IFI16: variants seen among roughly 807,000 people sequenced by gnomAD.
IFI16 encodes the protein interferon gamma inducible protein 16.
Under a neutral mutation model 68.4 loss-of-function variants are expected in IFI16, and 49 were observed. The observed-to-expected ratio is 0.72, with a 90% confidence interval of 0.57 to 0.91. The LOEUF is 0.91. IFI16 is among the 40% of genes least tolerant of loss of function. The pLI is 0.00. For synonymous variants in IFI16, 307 were observed against 315.0 expected (o/e 0.97, Z 0.27); for missense variants, 878 against 942.9 (o/e 0.93, Z 0.90).
rs1053319360 is a variant in IFI16, at chr1:159,010,767, A to G, written c.-21+606A>G. Among the ~76,000 whole-genome samples the G allele has an allele frequency of 2.6e-5, 4 of 152,110 alleles. No homozygotes were observed. In the South Asian group the frequency reaches 6.2e-4, roughly 24 times the overall value. The stretch of plus-strand genomic sequence containing the variant: ...ACCGGGTGCTAGCGGCAGAATTTCA[A>G]TCATTTTGGAATTACTCTCTGCCCT... On this transcript the variant is annotated intron_variant, in intron 1 of 11. Transcript: ENST00000295809.
chr1:159,036,718 C>T (rs987544245), intron 7 of IFI16, among the ~76,000 whole-genome samples: 1 of 152,136 alleles, frequency 6.6e-6, no homozygotes, highest in Non-Finnish European at 1.5e-5. Flanking sequence ...TACATTGCCA[C>T]GTTAAGACCC....
chr1:159,019,520 G>A (rs1174846896), intron 5 of IFI16, among the ~76,000 whole-genome samples: 2 of 150,884 alleles, frequency 1.3e-5, no homozygotes, highest in Non-Finnish European at 2.9e-5. Context: ...GCGCAGTGGC[G>A]CGATCTCGGC....
chr1:159,048,758 G>A (rs536873229), intron 8 of IFI16, among the ~76,000 whole-genome samples: 2 of 151,492 alleles, frequency 1.3e-5, no homozygotes, highest in African/African-American at 4.8e-5. Context: ...TTAATTAAAG[G>A]TAGTCAAGGT....
At chr1:159,002,186 C>A (rs1406536626), upstream of IFI16, among the ~76,000 whole-genome samples, 1 of 152,066 alleles carries the variant, frequency 6.6e-6, no homozygotes. Context: ...TTACCTGGAA[C>A]CAAACAGCTA....
At chr1:159,032,927 A>G (rs1400004162) in intron 7 of IFI16, among the ~76,000 whole-genome samples, 1 of 152,080 alleles carries the variant, frequency 6.6e-6, no homozygotes, top group Non-Finnish European at 1.5e-5. Context: ...GAGGATTACT[A>G]TCTTGTATTG....
intron 6 of IFI16, among the ~76,000 whole-genome samples, chr1:159,021,185 G>A (rs1281389780): frequency 6.6e-6 from 1 of 152,120 alleles, no homozygotes; most frequent in Admixed American, 6.5e-5. Flanking sequence ...ACTTTTTGAT[G>A]CACCCATCGT....
chr1:159,014,804 G>A lies in IFI16; in HGVS notation c.124G>A (p.Glu42Lys). 1 of 1,614,046 alleles carries A rather than the reference G, an allele frequency of 6.2e-7. No homozygotes were observed. The highest frequency in any genetic ancestry group is 1.7e-5 in the Admixed American group (1 of 60,016). ...AAAACTTAATTTAAAAATGAGAGAA[G>A]AGTATGACAAAATTCAGATTGCTGA... Reference protein sequence around the residue: ...DLKLNLKMREEYDKIQIADLM... With the variant: ...DLKLNLKMREKYDKIQIADLM... The change falls in exon 2 of 12, where the codon GAG becomes AAG. Residue 42 changes from glutamate to lysine, a missense_variant. Around this residue, in one of 4 missense-constraint regions of IFI16, gnomAD observed 65 missense variants for 96.9 expected, o/e 0.67. Transcript: ENST00000295809.
intron 7 of IFI16, among the ~76,000 whole-genome samples, chr1:159,041,535 T>G (rs909642287): frequency 6.6e-6 from 1 of 152,200 alleles, no homozygotes; most frequent in African/African-American, 2.4e-5. Context: ...ACAGGTTTAC[T>G]TATAAATACT....
intron 6 of IFI16, among the ~76,000 whole-genome samples, chr1:159,025,380 A>T (rs533644533): frequency 6.6e-4 from 101 of 152,348 alleles, no homozygotes; most frequent in Admixed American, 2.7e-3. Context: ...ATAATTTTAT[A>T]CTAAATAAGT....
At chr1:159,046,995 T>TTTTGCCG (rs1376372737) in intron 8 of IFI16, among the ~76,000 whole-genome samples, 1 of 151,178 alleles carries the variant, frequency 6.6e-6, no homozygotes, top group Non-Finnish European at 1.5e-5. Context: ...CCAGCTTGCC[T>TTTTGCCG]TTTGTTCTGC....
upstream of IFI16, among the ~76,000 whole-genome samples, chr1:159,001,367 G>A (rs1251490172): frequency 6.6e-6 from 1 of 152,138 alleles, no homozygotes; most frequent in Non-Finnish European, 1.5e-5. Flanking sequence ...TTTAGGGGAG[G>A]CTCCCATTGA....
upstream of IFI16, among the ~76,000 whole-genome samples, chr1:159,008,314 T>C (rs1015029237): frequency 6.6e-6 from 1 of 152,244 alleles, no homozygotes; most frequent in Non-Finnish European, 1.5e-5. Context: ...TTGTATATTC[T>C]ACTAATGACT....
intron 1 of IFI16, among the ~76,000 whole-genome samples, chr1:159,012,834 G>A (rs1440156680): frequency 6.6e-6 from 1 of 152,118 alleles, no homozygotes; most frequent in Non-Finnish European, 1.5e-5. Flanking sequence ...GTTTGAAGAC[G>A]AACTTATTGT....
At chr1:159,018,706 G>T (rs941931295) in intron 5 of IFI16, 55 bp downstream of exon 5, 1 of 1,236,736 alleles carries the variant, frequency 8.1e-7, no homozygotes, top group Non-Finnish European at 1.1e-6. Context: ...GAAATTAAAA[G>T]TCTTGATGTG....
At position 159,053,720 on chromosome 1, in the gene IFI16, T is replaced by C. The variant is rs758638521; in HGVS notation, c.2273T>C (p.Ile758Thr). Residue 758 changes from isoleucine to threonine, a missense_variant, in exon 11 of 12, where the codon ATC becomes ACC. Physicochemically the swap from Ile to Thr is moderately conservative, Grantham distance 89 (BLOSUM62 -1). Around this residue, in one of 4 missense-constraint regions of IFI16, gnomAD observed 311 missense variants for 305.1 expected, o/e 1.02. Coordinates refer to ENST00000295809, the MANE Select transcript of IFI16 (RefSeq NM_001376587.1). Reference protein sequence around the residue: ...GELRSVIHSHIKVIKTRKNKK... With the variant: ...GELRSVIHSHTKVIKTRKNKK... Reference sequence around the variant, plus strand: ...TTGAGATCTGTAATTCATAGTCACATCAAGGTTGGAACTTTATAGGAACAT... The same window carrying C: ...TTGAGATCTGTAATTCATAGTCACACCAAGGTTGGAACTTTATAGGAACAT... 2 of 1,612,228 alleles carry C rather than the reference T, an allele frequency of 1.2e-6. No individual in the cohort carries two copies. Among genetic ancestry groups the C allele is most frequent in the Non-Finnish European group, 1.7e-6 (2 of 1,178,804 alleles).
At chr1:159,054,368 CAT>C (rs1313430490) in intron 11 of IFI16, among the ~76,000 whole-genome samples, 2 of 152,192 alleles carry the variant, frequency 1.3e-5, no homozygotes, top group Non-Finnish European at 2.9e-5. Context: ...CAAAGGCTGA[CAT>C]ATTCAGGCAC....
intron 6 of IFI16, among the ~76,000 whole-genome samples, chr1:159,023,190 G>A (rs1173983674): frequency 1.3e-5 from 2 of 152,096 alleles, no homozygotes; most frequent in Admixed American, 6.5e-5. Context: ...TTGTTGGCAA[G>A]TTTATCGGAT....
At chr1:159,029,935 G>A (rs1332545380) in intron 6 of IFI16, among the ~76,000 whole-genome samples, 3 of 150,276 alleles carry the variant, frequency 2.0e-5, no homozygotes, top group Non-Finnish European at 4.4e-5. Context: ...ACCTGCCTCA[G>A]CCTCCCAAAG....
chr1:159,051,540 T>A, intron 9 of IFI16, 139 bp from the exon 10 acceptor site: 1 of 640,650 alleles, frequency 1.6e-6, no homozygotes, highest in South Asian at 2.0e-5. Context: ...ATCTCAGTGA[T>A]CTTTGTCTAG....
Sources: gnomAD v4.1 joint callset for allele counts (sites outside exome capture counted in the v4.1 genomes callset) on GRCh38, gnomAD v4.1.1 for gene constraint, gnomAD v4.1.1 regional missense constraint, MANE v1.5 for transcripts, NCBI Gene and HGNC (gene_info 2026-07-23, HGNC 2026-07-21) for gene names.